The following CNTN4 variants were observed in gnomAD, a reference collection of about 807,000 sequenced individuals.
The protein encoded by CNTN4 is contactin-4.
In CNTN4, 77 loss-of-function variants were observed where a neutral mutation model predicts 122.5. That is an observed-to-expected ratio of 0.63 (90% CI 0.52 to 0.76). CNTN4 has a LOEUF of 0.76. Ranked by LOEUF, CNTN4 falls within the 30% of genes least tolerant of loss-of-function variation. The pLI, the probability that CNTN4 is intolerant of heterozygous loss-of-function variation, is 0.00. For synonymous variants in CNTN4, 512 were observed against 447.0 expected (o/e 1.15, Z -1.83); for missense variants, 1,256 against 1,259.1 (o/e 1.00, Z 0.04).
intron 6 of CNTN4, among the ~76,000 whole-genome samples, chr3:2,806,886 T>G (rs2150108278): frequency 6.6e-6 from 1 of 152,108 alleles, no homozygotes; most frequent in East Asian, 1.9e-4. Flanking sequence ...AGCAGAAAGG[T>G]TCTACTTTTA....
At chr3:2,559,604 T>A (rs1337443652) in intron 3 of CNTN4, among the ~76,000 whole-genome samples, 2 of 152,208 alleles carry the variant, frequency 1.3e-5, no homozygotes, top group African/African-American at 4.8e-5. Flanking sequence ...TTTATCACTT[T>A]ATCATCTTTC....
intron 6 of CNTN4, among the ~76,000 whole-genome samples, chr3:2,762,194 T>C (rs576871547): frequency 4.6e-5 from 7 of 152,212 alleles, no homozygotes; most frequent in African/African-American, 1.7e-4. Flanking sequence ...GACCTAAAAG[T>C]AGTGTTTGTA....
intron 3 of CNTN4, among the ~76,000 whole-genome samples, chr3:2,536,277 C>G (rs928187416): frequency 6.6e-6 from 1 of 152,110 alleles, no homozygotes; most frequent in African/African-American, 2.4e-5. Flanking sequence ...AAAGTTTACT[C>G]AAATGCATTC....
intron 6 of CNTN4, among the ~76,000 whole-genome samples, chr3:2,795,343 C>A (rs989365057): frequency 6.6e-6 from 1 of 152,078 alleles, no homozygotes; most frequent in Non-Finnish European, 1.5e-5. Context: ...TCTCTTCTCT[C>A]CAAAAAACAT....
chr3:2,777,191 A>G (rs1302864484), intron 6 of CNTN4, among the ~76,000 whole-genome samples: 2 of 152,150 alleles, frequency 1.3e-5, no homozygotes, highest in Admixed American at 6.5e-5. Flanking sequence ...GGAAAATCAC[A>G]TTTGTGTTTT....
intron 8 of CNTN4, among the ~76,000 whole-genome samples, chr3:2,869,366 A>G (rs2093760087): frequency 6.6e-6 from 1 of 152,170 alleles, no homozygotes; most frequent in Admixed American, 6.5e-5. Flanking sequence ...AAATGGATTC[A>G]GGATATAGTT....
At chr3:2,832,814 C>T (rs1013207999) in intron 7 of CNTN4, among the ~76,000 whole-genome samples, 1 of 152,198 alleles carries the variant, frequency 6.6e-6, no homozygotes, top group Non-Finnish European at 1.5e-5. Flanking sequence ...AATTGAGATT[C>T]TGGGAGCCCC....
intron 9 of CNTN4, among the ~76,000 whole-genome samples, chr3:2,884,005 G>A (rs2150989352): frequency 6.6e-6 from 1 of 152,214 alleles, no homozygotes; most frequent in South Asian, 2.1e-4. Context: ...AATGATCCGT[G>A]TCAATCTTTA....
intron 2 of CNTN4, among the ~76,000 whole-genome samples, chr3:2,138,266 C>T (rs1031888080): frequency 6.6e-6 from 1 of 151,990 alleles, no homozygotes; most frequent in African/African-American, 2.4e-5. Flanking sequence ...CGGGGTTTCA[C>T]CATGTTGGCC....
chr3:2,557,026 C>G (rs1270024961), intron 3 of CNTN4, among the ~76,000 whole-genome samples: 1 of 152,190 alleles, frequency 6.6e-6, no homozygotes, highest in Non-Finnish European at 1.5e-5. Flanking sequence ...TTTCCTAAAG[C>G]AACTTAAACT....
Position 2,705,245 on chromosome 3 carries a change from G to A in CNTN4, c.56-30970G>A, listed in dbSNP as rs1016160227. Among the ~76,000 whole-genome samples the A allele has an allele frequency of 3.4e-5, 5 of 148,470 alleles. No homozygotes were observed. In the Admixed American group the frequency reaches 3.4e-4, roughly 10 times the overall value. On this transcript the variant is annotated intron_variant, in intron 4 of 24. Transcript: ENST00000418658. ...TAGCTGGGCGTAGTGGCGGGCGCCTGTAGTCCCAGCTACTCGGGAAGCTGA... is the reference window on the plus strand; with the variant it reads ...TAGCTGGGCGTAGTGGCGGGCGCCTATAGTCCCAGCTACTCGGGAAGCTGA...
intron 5 of CNTN4, among the ~76,000 whole-genome samples, chr3:2,737,277 C>T (rs2089178381): frequency 6.6e-6 from 1 of 152,060 alleles, no homozygotes; most frequent in African/African-American, 2.4e-5. Flanking sequence ...GATGGGGTTT[C>T]ACCATGTTGG....
At chr3:2,919,706 A>G (rs1236014177) in intron 12 of CNTN4, among the ~76,000 whole-genome samples, 6 of 152,196 alleles carry the variant, frequency 3.9e-5, no homozygotes, top group South Asian at 4.1e-4. Context: ...AATATCACCA[A>G]TTTGGACTGA....
intron 2 of CNTN4, among the ~76,000 whole-genome samples, chr3:2,299,375 G>A (rs1413434445): frequency 6.6e-6 from 1 of 152,050 alleles, no homozygotes; most frequent in African/African-American, 2.4e-5. Flanking sequence ...TGACATGGAT[G>A]AATTATATAG....
chr3:2,618,306 T>C (rs2081856340), intron 4 of CNTN4, among the ~76,000 whole-genome samples: 1 of 152,168 alleles, frequency 6.6e-6, no homozygotes. Flanking sequence ...TGTGTGTATG[T>C]ATGTATAATA....
intron 3 of CNTN4, among the ~76,000 whole-genome samples, chr3:2,379,753 G>A (rs977029104): frequency 6.6e-6 from 1 of 152,110 alleles, no homozygotes; most frequent in Middle Eastern, 3.4e-3. Flanking sequence ...AACTACTGTG[G>A]GTTATAAGAA....
intron 4 of CNTN4, among the ~76,000 whole-genome samples, chr3:2,723,693 C>A (rs2088013002): frequency 1.3e-5 from 2 of 152,160 alleles, no homozygotes; most frequent in African/African-American, 4.8e-5. Flanking sequence ...AATACTGTTG[C>A]GTTGAGGATT....
At chr3:2,278,894 A>G (rs1262699165) in intron 2 of CNTN4, among the ~76,000 whole-genome samples, 2 of 151,892 alleles carry the variant, frequency 1.3e-5, no homozygotes, top group African/African-American at 2.4e-5. Flanking sequence ...TAAATTCAAT[A>G]TTTATCTTTA....
intron 2 of CNTN4, among the ~76,000 whole-genome samples, chr3:2,262,616 C>G (rs1269952001): frequency 7.7e-6 from 1 of 129,226 alleles, no homozygotes; most frequent in Non-Finnish European, 1.6e-5. Flanking sequence ...GTGATATACA[C>G]TTGCTGTTCC....
Sources: gnomAD v4.1 joint callset for allele counts (sites outside exome capture counted in the v4.1 genomes callset) on GRCh38, gnomAD v4.1.1 for gene constraint, MANE v1.5 for transcripts, NCBI Gene and HGNC (gene_info 2026-07-23, HGNC 2026-07-21) for gene names.